The following SCFD2 variants were observed in gnomAD, a reference collection of about 807,000 sequenced individuals.
The protein encoded by SCFD2 is sec1 family domain-containing protein 2.
In SCFD2, 54 loss-of-function variants were observed where a neutral mutation model predicts 58.9. The ratio of observed to expected loss-of-function variants is 0.92; its 90% CI spans 0.74 to 1.15. SCFD2 has a LOEUF of 1.15. SCFD2 is among the 50% of genes most tolerant of loss of function. The pLI, the probability that SCFD2 is intolerant of heterozygous loss-of-function variation, is 0.00. For missense variants in SCFD2, 805 were observed against 836.6 expected (o/e 0.96, Z 0.47); for synonymous variants, 321 against 335.9 (o/e 0.96, Z 0.49).
rs1286212082 is a variant in SCFD2, at chr4:52,885,864, C to T, written c.1845G>A (p.Val615=). The change falls in exon 8 of 9, where the codon GTG becomes GTA. Residue 615 remains valine, a splice_region_variant and synonymous_variant. Transcript: ENST00000401642. ...GGTAGTCACTAGGATGAGGCCGGCT[C>T]ACCTGCAAAACAAAACACCAGCAAT... ...LKTGFSMFMK[V]SRPHPSDYPL... 1.4e-5 allele frequency: 22 copies of T among 1,613,902 alleles called. No individual in the cohort carries two copies. The highest frequency in any genetic ancestry group is 1.9e-5 in the Non-Finnish European group (22 of 1,179,924).
intron 4 of SCFD2, among the ~76,000 whole-genome samples, chr4:53,154,522 T>C (rs898370971): frequency 6.6e-6 from 1 of 152,192 alleles, no homozygotes; most frequent in Non-Finnish European, 1.5e-5. Flanking sequence ...ACCTCCAACA[T>C]TGAGAATCAC....
chr4:53,164,229 T>C (rs1167558570), intron 4 of SCFD2, among the ~76,000 whole-genome samples: 1 of 152,196 alleles, frequency 6.6e-6, no homozygotes, highest in Non-Finnish European at 1.5e-5. Flanking sequence ...GGTATATTTA[T>C]GTTCCTCTAA....
At chr4:53,079,412 C>T (rs539726391) in intron 5 of SCFD2, among the ~76,000 whole-genome samples, 2 of 152,284 alleles carry the variant, frequency 1.3e-5, no homozygotes, top group African/African-American at 4.8e-5. Context: ...AATGCTTTAC[C>T]AGCTCTCTGG....
intron 5 of SCFD2, among the ~76,000 whole-genome samples, chr4:52,992,106 C>T (rs926181071): frequency 2.6e-5 from 4 of 152,172 alleles, no homozygotes; most frequent in East Asian, 3.9e-4. Flanking sequence ...GCCACCATCT[C>T]AGCTCACTGC....
At chr4:53,201,071 C>A (rs970628060) in intron 4 of SCFD2, among the ~76,000 whole-genome samples, 37 of 151,676 alleles carry the variant, frequency 2.4e-4, no homozygotes, top group Non-Finnish European at 1.6e-4. Flanking sequence ...ACGTACATAG[C>A]GTGCAGGTTT....
rs1577750586 is a variant in SCFD2, at chr4:53,125,376, TATA to T, written c.1561+19954_1561+19956del. 2.0e-5 allele frequency among the ~76,000 whole-genome samples: 3 copies of T among 152,254 alleles called. No individual in the cohort carries two copies. In the East Asian group the frequency reaches 5.8e-4, roughly 29 times the overall value. ...ACACGTCAGATGAGATCATTTCGGT[TATA>T]ATATTATAAGAGTAACATTTTATTT... On this transcript the variant is annotated intron_variant, in intron 5 of 8. Coordinates refer to ENST00000401642, the MANE Select transcript of SCFD2 (RefSeq NM_152540.4).
chr4:52,979,886 G>A (rs1424577455), intron 5 of SCFD2, among the ~76,000 whole-genome samples: 2 of 151,994 alleles, frequency 1.3e-5, no homozygotes, highest in Non-Finnish European at 2.9e-5. Flanking sequence ...TTACCCATGA[G>A]ATCTCTTGTT....
chr4:53,268,875 C>A (rs966687316), intron 4 of SCFD2, among the ~76,000 whole-genome samples: 1 of 152,096 alleles, frequency 6.6e-6, no homozygotes, highest in Non-Finnish European at 1.5e-5. Context: ...AGGGAAGCAA[C>A]TCTATTGGAA....
chr4:53,213,249 A>G (rs1039906759), intron 4 of SCFD2, among the ~76,000 whole-genome samples: 2 of 152,280 alleles, frequency 1.3e-5, no homozygotes, highest in Admixed American at 6.5e-5. Context: ...GAGTAAAGAT[A>G]GAAATCAAAA....
chr4:53,273,784 CATTA>C (rs1173089363), intron 4 of SCFD2, 38 bp downstream of exon 4: 5 of 1,530,502 alleles, frequency 3.3e-6, no homozygotes, highest in Admixed American at 4.0e-5. Flanking sequence ...GAAGTCAAAA[CATTA>C]ATTATTAAGA....
Position 53,251,727 on chromosome 4 carries a change from C to T in SCFD2, c.1311+22099G>A, listed in dbSNP as rs9799559. Among the ~76,000 whole-genome samples the T allele has an allele frequency of 4.1e-3, 619 of 151,870 alleles. 14 individuals are homozygous for T. Among genetic ancestry groups the T allele is most frequent in the Admixed American group, 0.035 (536 of 15,226 alleles). ...CTCAATAAATTAGGTATTGATGGGA[C>T]GTATCTCAAAATAATAAGAGCTATC... On this transcript the variant is annotated intron_variant, in intron 4 of 8. Transcript: ENST00000401642.
chr4:53,289,776 G>A (rs1445899885), intron 3 of SCFD2, among the ~76,000 whole-genome samples: 2 of 152,046 alleles, frequency 1.3e-5, no homozygotes, highest in Non-Finnish European at 2.9e-5. Flanking sequence ...TGAAAGCAAA[G>A]AGAAGGAAGA....
At chr4:52,882,743 C>T (rs985737842) in intron 8 of SCFD2, among the ~76,000 whole-genome samples, 3 of 152,318 alleles carry the variant, frequency 2.0e-5, no homozygotes, top group South Asian at 2.1e-4. Context: ...AGCTTGCAGA[C>T]GGCCTATTGT....
At chr4:52,909,481 G>A (rs530372743) in intron 6 of SCFD2, among the ~76,000 whole-genome samples, 8 of 152,274 alleles carry the variant, frequency 5.3e-5, no homozygotes, top group South Asian at 2.1e-4. Context: ...GGGGGAATAC[G>A]GAAGTTTAAA....
At chr4:53,239,397 T>TGAGAGTGAGAGG (rs1653694065) in intron 4 of SCFD2, among the ~76,000 whole-genome samples, 2 of 96,664 alleles carry the variant, frequency 2.1e-5, no homozygotes, top group South Asian at 4.0e-4. Flanking sequence ...GTGGGGAGAG[T>TGAGAGTGAGAGG]GAGAGGGAGA....
intron 5 of SCFD2, among the ~76,000 whole-genome samples, chr4:53,083,693 C>A (rs1362483886): frequency 1.3e-5 from 2 of 152,228 alleles, no homozygotes; most frequent in Non-Finnish European, 2.9e-5. Context: ...AGAGACAGTA[C>A]AAAGAGAGGA....
intron 5 of SCFD2, among the ~76,000 whole-genome samples, chr4:53,075,107 C>T (rs1188246142): frequency 6.6e-6 from 1 of 152,208 alleles, no homozygotes; most frequent in Non-Finnish European, 1.5e-5. Flanking sequence ...TTCTGGATAA[C>T]CTGCTGCTGC....
At chr4:53,360,062 G>C (rs1369090454) in intron 1 of SCFD2, among the ~76,000 whole-genome samples, 1 of 152,166 alleles carries the variant, frequency 6.6e-6, no homozygotes, top group African/African-American at 2.4e-5. Context: ...TTGGTGACTT[G>C]TGGTCTTAAT....
intron 8 of SCFD2, among the ~76,000 whole-genome samples, chr4:52,875,905 T>A (rs1351893425): frequency 2.1e-5 from 3 of 143,978 alleles, no homozygotes; most frequent in South Asian, 4.5e-4. Context: ...TTCACTGAAA[T>A]CTGTGTTTCA....
Sources: allele counts gnomAD v4.1 joint callset (sites outside exome capture counted in the v4.1 genomes callset), GRCh38; gene constraint gnomAD v4.1.1; transcripts MANE v1.5; gene names NCBI Gene and HGNC (gene_info 2026-07-23, HGNC 2026-07-21).